The following MYRIP variants were observed in gnomAD, a reference collection of about 807,000 sequenced individuals.
The protein encoded by MYRIP is myosin VIIA and Rab interacting protein, also known as rab effector MyRIP.
Under a neutral mutation model 98.0 loss-of-function variants are expected in MYRIP, and 49 were observed. That is an observed-to-expected ratio of 0.50 (90% CI 0.40 to 0.63). The LOEUF is 0.63. Among genes scored for constraint, MYRIP ranks in the 30% least tolerant of loss-of-function variants. The pLI is 0.00. For synonymous variants in MYRIP, 404 were observed against 409.5 expected (o/e 0.99, Z 0.16); for missense variants, 1,004 against 1,058.2 (o/e 0.95, Z 0.71).
Position 40,044,192 on chromosome 3 carries a change from A to G in MYRIP, c.253A>G (p.Lys85Glu). 1 of 1,614,176 alleles carries G rather than the reference A, an allele frequency of 6.2e-7. No individual in the cohort carries two copies. Among genetic ancestry groups the G allele is most frequent in the Non-Finnish European group, 8.5e-7 (1 of 1,180,006 alleles). Residue 85 changes from lysine to glutamate, a missense_variant, in exon 3 of 17, where the codon AAA (lysine) becomes GAA (glutamate). Around this residue, in one of 3 missense-constraint regions of MYRIP, gnomAD observed 880 missense variants for 907.7 expected, o/e 0.97. Coordinates refer to ENST00000302541, the MANE Select transcript of MYRIP (RefSeq NM_015460.4). ...VNTKRQCGDCKFNVCKSCCSY... is the reference protein window; with the variant it reads ...VNTKRQCGDCEFNVCKSCCSY... ...CACCAAGCGCCAGTGTGGAGATTGC[A>G]AATTCAATGTCTGCAAGAGCTGCTG...
At chr3:39,874,783 G>T (rs1942929622) in intron 1 of MYRIP, among the ~76,000 whole-genome samples, 1 of 152,150 alleles carries the variant, frequency 6.6e-6, no homozygotes, top group African/African-American at 2.4e-5. Flanking sequence ...GTTCATTAAG[G>T]ATATTGGTCT....
At chr3:39,860,211 G>A (rs373472254) in intron 1 of MYRIP, among the ~76,000 whole-genome samples, 1 of 152,208 alleles carries the variant, frequency 6.6e-6, no homozygotes, top group Non-Finnish European at 1.5e-5. Context: ...GAAGGTGTGA[G>A]TTGAGCAGGT....
chr3:39,882,145 G>C lies in MYRIP; in HGVS notation c.-30-18642G>C, dbSNP rs374459550. On this transcript the variant is annotated intron_variant, in intron 1 of 16. Transcript: ENST00000302541. Reference sequence around the variant, plus strand: ...CTTGTTAGCTTTTTTTTAGTGAGCTGTAGTATAATGAGTGATGCACTGAAG... The same window carrying C: ...CTTGTTAGCTTTTTTTTAGTGAGCTCTAGTATAATGAGTGATGCACTGAAG... Among the ~76,000 whole-genome samples the C allele has an allele frequency of 8.5e-5, 13 of 152,068 alleles. No homozygotes were observed. The East Asian group carries it at 1.7e-3, about 20-fold the overall frequency.
chr3:39,994,112 C>T (rs749870516), intron 2 of MYRIP, among the ~76,000 whole-genome samples: 35 of 152,320 alleles, frequency 2.3e-4, no homozygotes, highest in South Asian at 2.1e-4. Context: ...CCAGCGTGAG[C>T]GATGCAGAAG....
At chr3:39,885,585 A>G (rs1296081660) in intron 1 of MYRIP, among the ~76,000 whole-genome samples, 1 of 151,900 alleles carries the variant, frequency 6.6e-6, no homozygotes, top group East Asian at 1.9e-4. Context: ...AATATCCCGC[A>G]GAGTGTTTTC....
intron 3 of MYRIP, among the ~76,000 whole-genome samples, chr3:40,090,024 G>A (rs548897802): frequency 2.0e-5 from 3 of 151,568 alleles, no homozygotes; most frequent in Admixed American, 2.0e-4. Flanking sequence ...TCTCTCTTAT[G>A]AGTTATTGTA....
intron 8 of MYRIP, among the ~76,000 whole-genome samples, chr3:40,175,210 T>C (rs1036333692): frequency 1.3e-5 from 2 of 152,202 alleles, no homozygotes; most frequent in African/African-American, 2.4e-5. Flanking sequence ...GTGATAAGAA[T>C]GCATTGAGTC....
intron 3 of MYRIP, among the ~76,000 whole-genome samples, chr3:40,124,754 C>T (rs975673234): frequency 1.3e-5 from 2 of 152,180 alleles, no homozygotes; most frequent in African/African-American, 4.8e-5. Flanking sequence ...ACCAGCAGAA[C>T]ACAGCTGGGG....
At chr3:40,147,865 A>G (rs890607791) in intron 3 of MYRIP, among the ~76,000 whole-genome samples, 1 of 152,202 alleles carries the variant, frequency 6.6e-6, no homozygotes, top group Non-Finnish European at 1.5e-5. Flanking sequence ...GATCTGCTGC[A>G]TCAAATCCTG....
chr3:39,907,660 C>T (rs771152663), intron 2 of MYRIP, among the ~76,000 whole-genome samples: 13 of 152,176 alleles, frequency 8.5e-5, no homozygotes, highest in Non-Finnish European at 1.6e-4. Context: ...TTTCTCACAG[C>T]GACATAGCCT....
At chr3:39,895,679 A>G (rs9864361) in intron 1 of MYRIP, among the ~76,000 whole-genome samples, 48,863 of 152,062 alleles carry the variant, frequency 0.32, 7,998 homozygotes, top group Middle Eastern at 0.46. Flanking sequence ...AAATTAATCA[A>G]TAAGAAAATT....
At chr3:39,967,137 C>T (rs892677821) in intron 2 of MYRIP, among the ~76,000 whole-genome samples, 28 of 152,084 alleles carry the variant, frequency 1.8e-4, no homozygotes, top group African/African-American at 6.3e-4. Flanking sequence ...TTAGGTTTGG[C>T]GTATATGTGA....
chr3:40,246,758 C>G (rs951954438), intron 13 of MYRIP, among the ~76,000 whole-genome samples: 1 of 152,178 alleles, frequency 6.6e-6, no homozygotes, highest in African/African-American at 2.4e-5. Flanking sequence ...GAGACAATGA[C>G]ACTCTCAGGT....
chr3:40,146,631 T>C (rs1198804828), intron 3 of MYRIP, among the ~76,000 whole-genome samples: 1 of 152,212 alleles, frequency 6.6e-6, no homozygotes, highest in African/African-American at 2.4e-5. Flanking sequence ...GCTCTGGCCC[T>C]GGAGCCCCTT....
intron 9 of MYRIP, among the ~76,000 whole-genome samples, chr3:40,189,156 A>T (rs1312586794): frequency 3.9e-5 from 6 of 152,348 alleles, no homozygotes; most frequent in Non-Finnish European, 8.8e-5. Context: ...CCTCACTCTA[A>T]AAGTTAGCAG....
chr3:39,970,103 CGTTA>C (rs1945543891), intron 2 of MYRIP: 1 of 151,466 alleles, frequency 6.6e-6, no homozygotes, highest in Non-Finnish European at 1.5e-5. Context: ...TTTGTGTGTT[CGTTA>C]CTCTTAACAA....
At chr3:40,204,015 A>ACATT (rs1951684803) in intron 10 of MYRIP, among the ~76,000 whole-genome samples, 2 of 5,406 alleles carry the variant, frequency 3.7e-4, no homozygotes, top group African/African-American at 6.8e-4. Context: ...TATTATATAT[A>ACATT]ATATATATTA....
At chr3:40,060,831 G>A (rs1042623184) in intron 3 of MYRIP, among the ~76,000 whole-genome samples, 8 of 151,966 alleles carry the variant, frequency 5.3e-5, no homozygotes, top group Admixed American at 4.6e-4. Flanking sequence ...GATATCAGGC[G>A]ATCCACCTGC....
intron 1 of MYRIP, among the ~76,000 whole-genome samples, chr3:39,890,269 C>A (rs909018559): frequency 6.6e-6 from 1 of 152,052 alleles, no homozygotes; most frequent in African/African-American, 2.4e-5. Context: ...TCTCACTTCT[C>A]GTGCATGCCT....
Sources: gnomAD v4.1 joint callset for allele counts (sites outside exome capture counted in the v4.1 genomes callset) on GRCh38, gnomAD v4.1.1 for gene constraint, gnomAD v4.1.1 regional missense constraint, MANE v1.5 for transcripts, NCBI Gene and HGNC (gene_info 2026-07-23, HGNC 2026-07-21) for gene names.